Variants in ABHD2 observed in about 807,000 individuals in gnomAD.
ABHD2 encodes the protein monoacylglycerol lipase ABHD2.
Under a neutral mutation model 48.1 loss-of-function variants are expected in ABHD2, and 20 were observed. That is an observed-to-expected ratio of 0.42 (90% CI 0.29 to 0.60). The LOEUF is 0.60. Ranked by LOEUF, ABHD2 falls within the 20% of genes least tolerant of loss-of-function variation. The probability of loss-of-function intolerance (pLI) is 0.24; values close to 1 mark genes in which losing one functional copy is unlikely to be tolerated. For synonymous variants in ABHD2, 209 were observed against 214.2 expected (o/e 0.98, Z 0.21); for missense variants, 405 against 550.9 (o/e 0.74, Z 2.65).
the ABHD2 span, among the ~76,000 whole-genome samples, chr15:89,060,521 C>G: frequency 2.6e-5 from 4 of 152,190 alleles, no homozygotes; most frequent in South Asian, 8.3e-4. Context: ...TCTGCCCCAT[C>G]CCAGCACAAA....
At chr15:89,171,993 A>T (rs1210631137) in intron 5 of ABHD2, among the ~76,000 whole-genome samples, 1 of 150,706 alleles carries the variant, frequency 6.6e-6, no homozygotes, top group Non-Finnish European at 1.5e-5. Flanking sequence ...TCAGTAAGCC[A>T]TTTAATACCC....
chr15:89,133,834 ATTTTT>A (rs71464448), intron 3 of ABHD2, among the ~76,000 whole-genome samples: 1 of 123,780 alleles, frequency 8.1e-6, no homozygotes. Context: ...GCCATGCATA[ATTTTT>A]TTTTTTTTTT....
the ABHD2 span, among the ~76,000 whole-genome samples, chr15:89,052,382 C>T: frequency 6.6e-6 from 1 of 152,082 alleles, no homozygotes; most frequent in African/African-American, 2.4e-5. Flanking sequence ...GAAATAAATT[C>T]TAAATTACTA....
At chr15:89,152,861 T>C (rs1555430732) in intron 4 of ABHD2, among the ~76,000 whole-genome samples, 3 of 152,226 alleles carry the variant, frequency 2.0e-5, no homozygotes, top group Non-Finnish European at 4.4e-5. Context: ...GTGGAGTTAC[T>C]ACAAGCATCC....
intron 3 of ABHD2, among the ~76,000 whole-genome samples, chr15:89,122,735 T>A (rs2050071568): frequency 6.6e-6 from 1 of 152,206 alleles, no homozygotes; most frequent in South Asian, 2.1e-4. Context: ...AGGTGCCCTG[T>A]CTCTGGAAGC....
At chr15:89,059,562 C>T in the ABHD2 span, among the ~76,000 whole-genome samples, 3 of 152,116 alleles carry the variant, frequency 2.0e-5, no homozygotes, top group African/African-American at 2.4e-5. Context: ...GGAAAAAAAC[C>T]TCTTGAACCA....
At chr15:89,077,564 A>G in the ABHD2 span, among the ~76,000 whole-genome samples, 570 of 152,258 alleles carry the variant, frequency 3.7e-3, 5 homozygotes, top group East Asian at 0.049. Flanking sequence ...CAAGCACATT[A>G]TTTTACCTCT....
rs1645979652 is a variant in ABHD2, at chr15:89,176,424, A to T, written c.722+429A>T. Among the ~76,000 whole-genome samples the T allele has an allele frequency of 6.6e-6, 1 of 152,270 alleles. No homozygotes were observed. Among genetic ancestry groups the T allele is most frequent in the African/African-American group, 2.4e-5 (1 of 41,554 alleles). ...CTGCAAGAGATGAGTCCCAGATGGC[A>T]TCTGGAAGGGATCTGTAGAAATCAT... On this transcript the variant is annotated intron_variant, in intron 6 of 10. Transcript: ENST00000352732. The surrounding 1 kb of genome is among the most constrained non-coding windows in gnomAD (Gnocchi z 4.5).
the ABHD2 span, among the ~76,000 whole-genome samples, chr15:89,060,769 C>T: frequency 2.6e-5 from 4 of 152,126 alleles, no homozygotes; most frequent in Non-Finnish European, 4.4e-5. Flanking sequence ...AAGTGTCCAT[C>T]ATCTCACTAC....
rs2051195458 is a variant in ABHD2 at position 89,185,663 on chromosome 15, C to T, written c.815+147C>T. On this transcript the variant is annotated intron_variant, in intron 7 of 10. Transcript: ENST00000352732. This position sits in a 1 kb window ranked among gnomAD's most constrained non-coding sequence, Gnocchi z 5.9. ...GACTCTCTGCTGCCTGCATTTGTGACTTGATTAGAAACAAACTTGTCTTGG... is the reference window on the plus strand; with the variant it reads ...GACTCTCTGCTGCCTGCATTTGTGATTTGATTAGAAACAAACTTGTCTTGG... 2.6e-6 allele frequency: 2 copies of T among 762,254 alleles called. No individual in the cohort carries two copies. The highest frequency in any genetic ancestry group is 1.8e-5 in the African/African-American group (1 of 55,998). 47.2% of individuals were successfully genotyped at this position (762,254 alleles called of 1,614,324 possible).
intron 3 of ABHD2, among the ~76,000 whole-genome samples, chr15:89,131,971 T>C (rs1419734813): frequency 6.6e-6 from 1 of 151,962 alleles, no homozygotes; most frequent in African/African-American, 2.4e-5. Flanking sequence ...GAGTTAAGAA[T>C]AGTCATCTCT....
chr15:89,175,357 G>T lies in ABHD2; in HGVS notation c.539-455G>T, dbSNP rs191026433. Among the ~76,000 whole-genome samples, 1 of 152,020 alleles carries T rather than the reference G, an allele frequency of 6.6e-6. No individual in the cohort carries two copies. Among genetic ancestry groups the T allele is most frequent in the Non-Finnish European group, 1.5e-5 (1 of 68,000 alleles). On this transcript the variant is annotated intron_variant, in intron 5 of 10. Transcript: ENST00000352732. The surrounding 1 kb of genome is among the most constrained non-coding windows in gnomAD (Gnocchi z 5.7). ...CTCTTGCCTCAGCCTCCTAAGTAGCGGGGACTACAAGGACACACCTGTAGT... is the reference window on the plus strand; with the variant it reads ...CTCTTGCCTCAGCCTCCTAAGTAGCTGGGACTACAAGGACACACCTGTAGT...
At chr15:89,145,848 A>T (rs911204409) in intron 3 of ABHD2, among the ~76,000 whole-genome samples, 1 of 152,140 alleles carries the variant, frequency 6.6e-6, no homozygotes, top group Non-Finnish European at 1.5e-5. Flanking sequence ...TCTTTCTTGG[A>T]TCCTGCCCTC....
At chr15:89,059,983 T>A in the ABHD2 span, among the ~76,000 whole-genome samples, 1 of 152,024 alleles carries the variant, frequency 6.6e-6, no homozygotes, top group Non-Finnish European at 1.5e-5. Flanking sequence ...CAGGCATTTA[T>A]GCAGCCTTTT....
At chr15:89,172,003 C>T (rs11852294) in intron 5 of ABHD2, among the ~76,000 whole-genome samples, 56,590 of 150,606 alleles carry the variant, frequency 0.38, 11,420 homozygotes, top group East Asian at 0.8. Flanking sequence ...ATTTAATACC[C>T]TATAATAAAT....
In ABHD2 at chr15:89,190,684, A is replaced by C. The variant is rs2051289078; in HGVS notation, c.927-396A>C. On this transcript the variant is annotated intron_variant, in intron 8 of 10. Coordinates refer to ENST00000352732, the MANE Select transcript of ABHD2 (RefSeq NM_152924.5). The stretch of plus-strand genomic sequence containing the variant: ...TGGGTCGGTCATGATGCTAGTAAGC[A>C]CTTGAACATCATAAGTCTCACAGTT... 3.9e-5 allele frequency among the ~76,000 whole-genome samples: 6 copies of C among 152,330 alleles called. No individual in the cohort carries two copies. In the South Asian group the frequency reaches 1.2e-3, roughly 32 times the overall value.
chr15:89,180,935 A>C (rs1454760478), intron 6 of ABHD2, among the ~76,000 whole-genome samples: 3 of 152,240 alleles, frequency 2.0e-5, no homozygotes, highest in Non-Finnish European at 4.4e-5. Context: ...TATATATTAA[A>C]AGTAGGGAAG....
Position 89,151,527 on chromosome 15 carries a change from CG to C in ABHD2, c.195-148del. 1.3e-6 allele frequency: 1 copy of C among 774,332 alleles called. No homozygotes were observed. The highest frequency in any genetic ancestry group is 1.9e-5 in the South Asian group (1 of 53,310). 48.0% of individuals were successfully genotyped at this position (774,332 alleles called of 1,614,324 possible). On this transcript the variant is annotated intron_variant, in intron 3 of 10. Coordinates refer to ENST00000352732, the MANE Select transcript of ABHD2 (RefSeq NM_152924.5). The surrounding 1 kb of genome is among the most constrained non-coding windows in gnomAD (Gnocchi z 4.7). Reference sequence around the variant, plus strand: ...TGGGGAAAGGCGGTAAATCATGGCACGGATGTAACGTAATAAAAGCCTCATG... The same window carrying C: ...TGGGGAAAGGCGGTAAATCATGGCACGATGTAACGTAATAAAAGCCTCATG...
intron 5 of ABHD2, among the ~76,000 whole-genome samples, chr15:89,170,228 TG>T (rs1285053168): frequency 6.6e-6 from 1 of 151,302 alleles, no homozygotes; most frequent in East Asian, 2.0e-4. Flanking sequence ...CCCAAGTAGC[TG>T]GGACTACAGG....
Sources: gnomAD v4.1 joint callset for allele counts (sites outside exome capture counted in the v4.1 genomes callset) on GRCh38, gnomAD v4.1.1 for gene constraint, Gnocchi (gnomAD v3.1) non-coding constraint, MANE v1.5 for transcripts, NCBI Gene and HGNC (gene_info 2026-07-23, HGNC 2026-07-21) for gene names.